Variants in BRSK2 observed in about 807,000 individuals in gnomAD.
BRSK2 encodes the protein serine/threonine-protein kinase BRSK2.
A neutral mutation model predicts 83.3 loss-of-function variants in BRSK2; 19 were observed. The observed-to-expected ratio is 0.23, with a 90% CI of 0.16 to 0.33. The LOEUF is 0.33. Among genes scored for constraint, BRSK2 ranks in the 10% least tolerant of loss-of-function variants. BRSK2 has a pLI of 1.00. For missense variants in BRSK2, 798 were observed against 1,042.3 expected (o/e 0.77, Z 3.23); for synonymous variants, 519 against 435.4 (o/e 1.19, Z -2.39).
At position 1,460,595 on chromosome 11, in the gene BRSK2, C is replaced by T. The variant is rs1373222593; in HGVS notation, c.2083C>T (p.Arg695Trp). 15 of 1,532,830 alleles carry T rather than the reference C, an allele frequency of 9.8e-6. No individual in the cohort carries two copies. In the East Asian group the frequency reaches 1.5e-4, roughly 15 times the overall value. 95.0% of individuals were successfully genotyped at this position (1,532,830 alleles called of 1,614,324 possible). The stretch of plus-strand genomic sequence containing the variant: ...CCAGGCCCCCAGCACGCCCGCCAAG[C>T]GGAGTGCCCACGGCCCACTCGGTGA... ...AAQAPSTPAKRSAHGPLGDSA... is the reference protein window; with the variant it reads ...AAQAPSTPAKWSAHGPLGDSA... The change falls in exon 20 of 20, where the codon CGG becomes TGG. Residue 695 changes from arginine to tryptophan, a missense_variant. By Grantham distance (101) the Arg-to-Trp change is moderately radical. This residue lies in a region of BRSK2 where 455 missense variants were observed against 455.2 expected (regional missense o/e 1.00). Transcript: ENST00000528841.
At chr11:1,458,464 C>G (rs1334608861) in intron 18 of BRSK2, among the ~76,000 whole-genome samples, 1 of 152,126 alleles carries the variant, frequency 6.6e-6, no homozygotes, top group African/African-American at 2.4e-5. Context: ...GCCCTGCCCC[C>G]CTCCCACACT....
chr11:1,455,273 C>T (rs1846351389), intron 16 of BRSK2, among the ~76,000 whole-genome samples: 1 of 150,870 alleles, frequency 6.6e-6, no homozygotes, highest in South Asian at 2.1e-4. Flanking sequence ...CCACCCTGTG[C>T]TGCACCCAGC....
At chr11:1,412,929 C>T (rs1347816034) in intron 1 of BRSK2, among the ~76,000 whole-genome samples, 1 of 152,158 alleles carries the variant, frequency 6.6e-6, no homozygotes, top group Non-Finnish European at 1.5e-5. Flanking sequence ...CCGCCCATGG[C>T]CTCCCACCGT....
intron 1 of BRSK2, among the ~76,000 whole-genome samples, chr11:1,412,015 G>C (rs1383644113): frequency 7.1e-6 from 1 of 140,384 alleles, no homozygotes. Context: ...TGGAGTCTCA[G>C]CTGCGCCGCC....
rs1379994568 is a variant in BRSK2, at chr11:1,451,234, ACCAGTGCCCCTGGGGGGGCTGTC to A, written c.1496-130_1496-108del. On this transcript the variant is annotated intron_variant, in intron 14 of 19. Coordinates refer to ENST00000528841, the MANE Select transcript of BRSK2 (RefSeq NM_001256627.2). Reference sequence around the variant, plus strand: ...CTAAGGTGGCCGGGAGCTGGGGTGGACCAGTGCCCCTGGGGGGGCTGTCCCAGTGTGTGTGGGTGGACTCCTGA... The same window carrying A: ...CTAAGGTGGCCGGGAGCTGGGGTGGACCAGTGTGTGTGGGTGGACTCCTGA... 2.5e-5 allele frequency: 24 copies of A among 953,932 alleles called. 1 individual carries two copies. The East Asian group carries it at 5.9e-4, about 23-fold the overall frequency. The allele number at this position is 953,932 out of a possible 1,614,324, so 59.1% of individuals were successfully genotyped here. A position where few individuals can be genotyped will look rare whatever the true frequency, so the allele number is the denominator to read the frequency against.
chr11:1,461,032 T>C lies in BRSK2; in HGVS notation c.*309T>C. On this transcript the variant is annotated 3_prime_UTR_variant, in exon 20 of 20. Transcript: ENST00000528841. ...GCCATCCTCTGTGACCGAAGGCAGC[T>C]GCTGCGGACCCGCCCTCCCTCCGCT... 1 of 1,610,850 alleles carries C rather than the reference T, an allele frequency of 6.2e-7. No homozygotes were observed. The highest frequency in any genetic ancestry group is 8.5e-7 in the Non-Finnish European group (1 of 1,178,844).
At chr11:1,435,973 C>A in intron 1 of BRSK2, 67 bp from the exon 2 acceptor site, 2 of 1,263,518 alleles carry the variant, frequency 1.6e-6, no homozygotes, top group Non-Finnish European at 2.2e-6. Context: ...CCAACCTGCA[C>A]TGTCCGGCTG....
At chr11:1,398,780 C>A (rs1380097338) in intron 1 of BRSK2, among the ~76,000 whole-genome samples, 2 of 152,026 alleles carry the variant, frequency 1.3e-5, no homozygotes, top group African/African-American at 4.8e-5. Context: ...GAGTCCTGGT[C>A]CCCGCACTCA....
chr11:1,405,620 C>A (rs1846816548), intron 1 of BRSK2, among the ~76,000 whole-genome samples: 1 of 152,174 alleles, frequency 6.6e-6, no homozygotes, highest in South Asian at 2.1e-4. Flanking sequence ...CCAGCTACCC[C>A]CAAGGGCACA....
chr11:1,453,186 A>G (rs1433015471), intron 15 of BRSK2, among the ~76,000 whole-genome samples: 2 of 152,182 alleles, frequency 1.3e-5, no homozygotes, highest in African/African-American at 4.8e-5. Context: ...TCATAGCAAC[A>G]CCCAGACTAG....
intron 1 of BRSK2, among the ~76,000 whole-genome samples, chr11:1,427,712 C>T (rs1387842929): frequency 6.6e-6 from 1 of 152,238 alleles, no homozygotes; most frequent in Non-Finnish European, 1.5e-5. Context: ...TGTGTAAAGA[C>T]AGCAATTAGA....
intron 1 of BRSK2, among the ~76,000 whole-genome samples, chr11:1,397,917 G>A (rs1169728972): frequency 3.3e-5 from 5 of 152,146 alleles, no homozygotes; most frequent in Non-Finnish European, 7.4e-5. Flanking sequence ...GGGCATTCAC[G>A]CCATCACTGC....
At chr11:1,459,643 G>A (rs925256203) in intron 19 of BRSK2, among the ~76,000 whole-genome samples, 3 of 152,222 alleles carry the variant, frequency 2.0e-5, no homozygotes, top group Non-Finnish European at 4.4e-5. Flanking sequence ...GGGCTCAGGT[G>A]GGGGTTAGGC....
chr11:1,417,926 T>G (rs74749537), intron 1 of BRSK2, among the ~76,000 whole-genome samples: 2 of 147,114 alleles, frequency 1.4e-5, no homozygotes, highest in African/African-American at 2.5e-5. Context: ...CTGCTTCTGT[T>G]GGCAGTTTCT....
At chr11:1,391,894 C>T (rs1845752462) in intron 1 of BRSK2, among the ~76,000 whole-genome samples, 1 of 152,142 alleles carries the variant, frequency 6.6e-6, no homozygotes. Flanking sequence ...CTGGTCTCCA[C>T]TCTTCATGGC....
chr11:1,390,520 C>G lies in BRSK2; in HGVS notation c.91+145C>G, dbSNP rs1845655352. ...CGAACAATGGGCGGCCCGTGCGCCC[C>G]CGTCCGCTCGTGCGCCCCGGTTCCG... On this transcript the variant is annotated intron_variant, in intron 1 of 19. Coordinates refer to ENST00000528841, the MANE Select transcript of BRSK2 (RefSeq NM_001256627.2). This position sits in a 1 kb window ranked among gnomAD's most constrained non-coding sequence, Gnocchi z 6.8. The G allele has an allele frequency of 4.0e-6, 1 of 251,702 alleles. No individual in the cohort carries two copies. Among genetic ancestry groups the G allele is most frequent in the African/African-American group, 2.4e-5 (1 of 42,514 alleles). 15.6% of individuals were successfully genotyped at this position (251,702 alleles called of 1,614,324 possible).
At chr11:1,407,312 GA>G (rs1277471270) in intron 1 of BRSK2, among the ~76,000 whole-genome samples, 1 of 152,160 alleles carries the variant, frequency 6.6e-6, no homozygotes, top group African/African-American at 2.4e-5. Context: ...ACTGCCTGCA[GA>G]GGGCCCTGCT....
At chr11:1,393,367 C>T (rs536230497) in intron 1 of BRSK2, among the ~76,000 whole-genome samples, 1 of 152,062 alleles carries the variant, frequency 6.6e-6, no homozygotes, top group African/African-American at 2.4e-5. Context: ...TGGAGAACCT[C>T]GGGCCCTTGG....
At chr11:1,457,132 T>G in intron 18 of BRSK2, 1 of 1,229,804 alleles carries the variant, frequency 8.1e-7, no homozygotes, top group Non-Finnish European at 1.1e-6. Context: ...AGCAGGGCCC[T>G]CCATGCCCAC....
Sources: allele counts gnomAD v4.1 joint callset (sites outside exome capture counted in the v4.1 genomes callset), GRCh38; gene constraint gnomAD v4.1.1; regional missense constraint gnomAD v4.1.1; non-coding constraint Gnocchi (gnomAD v3.1); transcripts MANE v1.5; gene names NCBI Gene and HGNC (gene_info 2026-07-23, HGNC 2026-07-21).